The following RANBP17 variants were observed in gnomAD, a reference collection of about 807,000 sequenced individuals.
The protein encoded by RANBP17 is RAN binding protein 17.
A neutral mutation model predicts 141.2 loss-of-function variants in RANBP17; 158 were observed. That is an observed-to-expected ratio of 1.12 (90% CI 0.98 to 1.28). The LOEUF (loss-of-function observed/expected upper bound fraction) is 1.28. Among genes scored for constraint, RANBP17 ranks in the 50% most tolerant of loss-of-function variants. RANBP17 has a pLI of 0.00. For synonymous variants in RANBP17, 430 were observed against 450.0 expected, an observed-to-expected ratio of 0.96 and a Z score of 0.56; for missense variants, 1,438 against 1,290.7, an observed-to-expected ratio of 1.11 and a Z score of -1.75.
chr5:171,225,085 T>TA (rs996720321), intron 22 of RANBP17, among the ~76,000 whole-genome samples: 14 of 152,068 alleles, frequency 9.2e-5, no homozygotes, highest in African/African-American at 3.1e-4. Flanking sequence ...TCACAGAGGT[T>TA]AAAAAAAATT....
intron 24 of RANBP17, among the ~76,000 whole-genome samples, chr5:171,257,279 A>C (rs1765960357): frequency 6.6e-6 from 1 of 152,246 alleles, no homozygotes; most frequent in Non-Finnish European, 1.5e-5. Flanking sequence ...TAAATGTGAT[A>C]CATCACATCA....
intron 18 of RANBP17, among the ~76,000 whole-genome samples, chr5:171,195,186 C>CT (rs1761899110): frequency 6.6e-6 from 1 of 152,018 alleles, no homozygotes; most frequent in Admixed American, 6.6e-5. Flanking sequence ...GTTTCTGTAC[C>CT]TTTGTCTTAT....
chr5:170,969,673 A>G (rs1370225757), intron 14 of RANBP17, among the ~76,000 whole-genome samples: 1 of 151,990 alleles, frequency 6.6e-6, no homozygotes, highest in Non-Finnish European at 1.5e-5. Flanking sequence ...AGGCACCTGG[A>G]AGGAACTATG....
intron 25 of RANBP17, among the ~76,000 whole-genome samples, chr5:171,276,325 T>A (rs573623035): frequency 6.6e-6 from 1 of 152,350 alleles, no homozygotes; most frequent in South Asian, 2.1e-4. Context: ...GGTAATTAAA[T>A]GAAAACAGAA....
At chr5:170,866,592 G>A (rs181834820) in intron 1 of RANBP17, among the ~76,000 whole-genome samples, 3 of 151,860 alleles carry the variant, frequency 2.0e-5, no homozygotes, top group South Asian at 2.1e-4. Context: ...GAAGAATGGC[G>A]TTAACCCGGG....
intron 3 of RANBP17, among the ~76,000 whole-genome samples, 185 bp downstream of exon 3, chr5:170,882,081 A>G (rs1768747734): frequency 6.6e-6 from 1 of 152,094 alleles, no homozygotes; most frequent in South Asian, 2.1e-4. Context: ...TCTAATCAAA[A>G]AAGCATTTTT....
chr5:171,246,230 T>G (rs1765210082), intron 24 of RANBP17, among the ~76,000 whole-genome samples: 1 of 152,200 alleles, frequency 6.6e-6, no homozygotes, highest in Non-Finnish European at 1.5e-5. Flanking sequence ...TGGAGAGGAC[T>G]CCCTTGGAGA....
Position 171,075,884 on chromosome 5 carries a change from C to T in RANBP17, c.1711-94246C>T, listed in dbSNP as rs199606760. ...ATGAGAATCGCTTGAACCTAGGAGG[C>T]GGAGGTTGCAGTGAGCCGAGATCAT... On this transcript the variant is annotated intron_variant, in intron 14 of 27. Transcript: ENST00000523189. 6.6e-5 allele frequency among the ~76,000 whole-genome samples: 10 copies of T among 151,922 alleles called. No homozygotes were observed. In the East Asian group the frequency reaches 1.9e-3, roughly 29 times the overall value.
chr5:171,221,761 C>T lies in RANBP17; in HGVS notation c.2343C>T (p.Ser781=), dbSNP rs756764251. ...KLMAELMQNR[S]QRLNFDVSSP... is the part of the protein sequence containing the mutation. The stretch of plus-strand genomic sequence containing the variant: ...AATTTTTTTCTATATTTCTTAGATC[C>T]CAGCGTTTGAATTTTGATGTATCAT... The change falls in exon 22 of 28, where the codon TCC becomes TCT. Residue 781 remains serine, a synonymous_variant. Coordinates refer to ENST00000523189, the MANE Select transcript of RANBP17 (RefSeq NM_022897.5). The T allele has an allele frequency of 1.2e-6, 2 of 1,600,066 alleles. No homozygotes were observed. The highest frequency in any genetic ancestry group is 1.3e-5 in the African/African-American group (1 of 74,484).
intron 13 of RANBP17, 141 bp from the exon 14 acceptor site, chr5:170,968,100 CA>C: frequency 3.4e-6 from 2 of 584,980 alleles, no homozygotes; most frequent in South Asian, 3.3e-5. Context: ...TCAGATGATT[CA>C]AAAAATATTT....
intron 7 of RANBP17, among the ~76,000 whole-genome samples, chr5:170,912,550 T>G (rs1771612344): frequency 6.6e-6 from 1 of 151,876 alleles, no homozygotes; most frequent in African/African-American, 2.4e-5. Context: ...AGATAATGCA[T>G]CCCTGAAACA....
intron 24 of RANBP17, among the ~76,000 whole-genome samples, chr5:171,243,938 CATG>C (rs1765046872): frequency 6.6e-6 from 1 of 151,586 alleles, no homozygotes; most frequent in Admixed American, 6.6e-5. Context: ...ATTAGCCAGG[CATG>C]ATGGTGGGCG....
At chr5:170,968,166 TTTATGG>T in intron 13 of RANBP17, 70 bp from the exon 14 acceptor site, 2 of 1,046,938 alleles carry the variant, frequency 1.9e-6, no homozygotes, top group Non-Finnish European at 2.7e-6. Flanking sequence ...TTATATTACA[TTTATGG>T]TAAATGTTTT....
intron 14 of RANBP17, among the ~76,000 whole-genome samples, chr5:171,122,301 G>A (rs1036195504): frequency 7.9e-5 from 12 of 152,016 alleles, no homozygotes; most frequent in African/African-American, 2.7e-4. Flanking sequence ...TGGAGTCAAC[G>A]AGCATCAGGT....
In RANBP17 at chr5:171,178,556, A is replaced by G. The variant is rs552654842; in HGVS notation, c.1866-4611A>G. Among the ~76,000 whole-genome samples the G allele has an allele frequency of 2.8e-4, 43 of 152,314 alleles. 1 individual carries two copies. The South Asian group carries it at 3.9e-3, about 14-fold the overall frequency. On this transcript the variant is annotated intron_variant, in intron 16 of 27. Transcript: ENST00000523189. The stretch of plus-strand genomic sequence containing the variant: ...TACCCAGTAATGGGATTGCTGGGTC[A>G]AATGGTATTTCTGGTTCTAGATCCT...
rs1444907731 is a variant in RANBP17 at position 170,960,541 on chromosome 5, A to G, written c.1574+6839A>G. ...TTCCCTTTTTCTCTCTAGCATTCATATAGTCATCAAGTCCTGTCAGTTCTA... is the reference window on the plus strand; with the variant it reads ...TTCCCTTTTTCTCTCTAGCATTCATGTAGTCATCAAGTCCTGTCAGTTCTA... On this transcript the variant is annotated intron_variant, in intron 13 of 27. Coordinates refer to ENST00000523189, the MANE Select transcript of RANBP17 (RefSeq NM_022897.5). Among the ~76,000 whole-genome samples the G allele has an allele frequency of 3.3e-5, 5 of 152,142 alleles. 1 individual carries two copies. The highest frequency in any genetic ancestry group is 1.3e-4 in the Admixed American group (2 of 15,276).
At chr5:171,065,760 G>A (rs1370770139) in intron 14 of RANBP17, among the ~76,000 whole-genome samples, 1 of 152,118 alleles carries the variant, frequency 6.6e-6, no homozygotes, top group Non-Finnish European at 1.5e-5. Context: ...TAATGAAAGA[G>A]GTTTGTAGCA....
At chr5:171,040,092 C>G (rs1561582767) in intron 14 of RANBP17, among the ~76,000 whole-genome samples, 1 of 152,062 alleles carries the variant, frequency 6.6e-6, no homozygotes, top group East Asian at 1.9e-4. Flanking sequence ...GCCAGTATCT[C>G]TGATGAACGT....
chr5:171,091,528 G>A (rs192597694), intron 14 of RANBP17, among the ~76,000 whole-genome samples: 2 of 152,294 alleles, frequency 1.3e-5, no homozygotes, highest in East Asian at 3.9e-4. Context: ...GGACTGTTGG[G>A]AAGGCATGAT....
Sources: allele counts gnomAD v4.1 joint callset (sites outside exome capture counted in the v4.1 genomes callset), GRCh38; gene constraint gnomAD v4.1.1; transcripts MANE v1.5; gene names NCBI Gene and HGNC (gene_info 2026-07-23, HGNC 2026-07-21).